Variants in NEK10 observed in about 807,000 individuals in gnomAD.
NEK10 encodes serine/threonine-protein kinase Nek10.
NEK10 carries 122 observed loss-of-function variants against 159.8 expected under a neutral mutation model. The observed-to-expected ratio is 0.76, with a 90% CI of 0.66 to 0.89. NEK10 has a LOEUF of 0.89. NEK10 is among the 40% of genes least tolerant of loss of function. The probability of loss-of-function intolerance (pLI) is 0.00; values close to 1 mark genes in which losing one functional copy is unlikely to be tolerated. For synonymous variants in NEK10, 466 were observed against 457.1 expected, an observed-to-expected ratio of 1.02 and a Z score of -0.25; for missense variants, 1,342 against 1,323.1, an observed-to-expected ratio of 1.01 and a Z score of -0.22.
At chr3:27,254,573 T>C (rs1022776457) in intron 23 of NEK10, among the ~76,000 whole-genome samples, 15 of 152,152 alleles carry the variant, frequency 9.9e-5, no homozygotes, top group Admixed American at 8.5e-4. Context: ...GAAAGACGGT[T>C]TGTGAGCCCA....
intron 23 of NEK10, among the ~76,000 whole-genome samples, chr3:27,221,868 G>C (rs1952133541): frequency 6.6e-6 from 1 of 152,176 alleles, no homozygotes; most frequent in African/African-American, 2.4e-5. Context: ...TCCCAGTTGA[G>C]ACCTCCTTAG....
At chr3:27,216,849 C>A (rs1027417010) in intron 23 of NEK10, among the ~76,000 whole-genome samples, 1 of 152,114 alleles carries the variant, frequency 6.6e-6, no homozygotes, top group Non-Finnish European at 1.5e-5. Flanking sequence ...TTGTATTAAA[C>A]CAATAAGTTG....
At chr3:27,115,476 G>C (rs1180739152) in intron 35 of NEK10, among the ~76,000 whole-genome samples, 1 of 152,108 alleles carries the variant, frequency 6.6e-6, no homozygotes, top group Admixed American at 6.6e-5. Context: ...ACATACAATA[G>C]CAAAGTCTCT....
rs1381358162 is a variant in NEK10 at position 27,108,107 on chromosome 3, T to C, written c.*3165A>G. On this transcript the variant is annotated 3_prime_UTR_variant, in exon 36 of 36. Coordinates refer to ENST00000691995, the MANE Select transcript of NEK10 (RefSeq NM_001394966.1). ...TGTTTTTGGACATCAAAATTCATAG[T>C]ATTTAATGAGTCATAGATGATACTT... Among the ~76,000 whole-genome samples, 1 of 152,240 alleles carries C rather than the reference T, an allele frequency of 6.6e-6. No homozygotes were observed. The highest frequency in any genetic ancestry group is 1.5e-5 in the Non-Finnish European group (1 of 68,042).
chr3:27,245,798 ACTT>A (rs1374706309), intron 23 of NEK10, among the ~76,000 whole-genome samples: 2 of 152,180 alleles, frequency 1.3e-5, no homozygotes, highest in African/African-American at 4.8e-5. Context: ...ACATGAGGAA[ACTT>A]CTTTTGACCA....
At chr3:27,244,865 GAGGGTTGCTCCCAGCTT>G (rs1954906305) in intron 23 of NEK10, among the ~76,000 whole-genome samples, 1 of 151,936 alleles carries the variant, frequency 6.6e-6, no homozygotes, top group African/African-American at 2.4e-5. Context: ...CTGCACTTCA[GAGGGTTGCTCCCAGCTT>G]GCCTAGCAGC....
At chr3:27,161,127 A>C (rs1187169669) in intron 30 of NEK10, among the ~76,000 whole-genome samples, 1 of 152,230 alleles carries the variant, frequency 6.6e-6, no homozygotes, top group Non-Finnish European at 1.5e-5. Context: ...CATACTGTTT[A>C]GGAAAAAGAA....
intron 11 of NEK10, among the ~76,000 whole-genome samples, chr3:27,305,657 T>A (rs62255642): frequency 0.23 from 35,166 of 151,350 alleles, 4,453 homozygotes; most frequent in Middle Eastern, 0.37. Context: ...CTTATTCTAG[T>A]CTTCAGAAAC....
Position 27,333,192 on chromosome 3 carries a change from G to C in NEK10, c.363-10931C>G, listed in dbSNP as rs79055195. 9.0e-3 allele frequency among the ~76,000 whole-genome samples: 1,371 copies of C among 152,190 alleles called. 18 individuals are homozygous for C. Among genetic ancestry groups the C allele is most frequent in the East Asian group, 0.063 (324 of 5,154 alleles). ...TACAATACAGGGAAAGGGTGAGTGA[G>C]AGACCCTCAGTAGTCCACATTATCA... On this transcript the variant is annotated intron_variant, in intron 5 of 35. Coordinates refer to ENST00000691995, the MANE Select transcript of NEK10 (RefSeq NM_001394966.1).
At chr3:27,270,057 C>G (rs1006564270) in intron 22 of NEK10, among the ~76,000 whole-genome samples, 1 of 152,166 alleles carries the variant, frequency 6.6e-6, no homozygotes, top group Admixed American at 6.6e-5. Flanking sequence ...TTGTCCTTCT[C>G]TTATGTGTGG....
At chr3:27,166,674 G>C (rs144404008) in intron 29 of NEK10, among the ~76,000 whole-genome samples, 20 of 152,200 alleles carry the variant, frequency 1.3e-4, no homozygotes, top group African/African-American at 4.8e-4. Flanking sequence ...TAAAGACTTA[G>C]AAAGGCCTGG....
chr3:27,281,379 C>G (rs2042149307), intron 22 of NEK10, among the ~76,000 whole-genome samples: 1 of 151,846 alleles, frequency 6.6e-6, no homozygotes. Flanking sequence ...AAAGACCCAT[C>G]CAAAGCAGTG....
intron 1 of NEK10, 84 bp from the exon 2 acceptor site, chr3:27,353,003 T>C (rs946825917): frequency 1.6e-6 from 1 of 637,302 alleles, no homozygotes; most frequent in Non-Finnish European, 2.8e-6. Context: ...AACCCACTTA[T>C]AACATCTATT....
rs188906374 is a variant in NEK10, at chr3:27,364,730, G to A, written c.-38+4495C>T. Among the ~76,000 whole-genome samples, 953 of 152,280 alleles carry A rather than the reference G, an allele frequency of 6.3e-3. 3 individuals are homozygous for A. The highest frequency in any genetic ancestry group is 0.012 in the Admixed American group (185 of 15,292). On this transcript the variant is annotated intron_variant, in intron 1 of 35. Transcript: ENST00000691995. ...TCAAAACAACCCTCTGAGGTGATTA[G>A]TATTATATCTCCAACTTACAGATGA...
chr3:27,137,498 A>G (rs1452021727), intron 31 of NEK10, among the ~76,000 whole-genome samples: 1 of 152,230 alleles, frequency 6.6e-6, no homozygotes, highest in Non-Finnish European at 1.5e-5. Flanking sequence ...CCGTAACACT[A>G]AAGTTAAGAA....
At chr3:27,317,042 G>A (rs986860497) in intron 6 of NEK10, among the ~76,000 whole-genome samples, 6 of 152,216 alleles carry the variant, frequency 3.9e-5, no homozygotes, top group African/African-American at 1.4e-4. Flanking sequence ...CTGCTATAGA[G>A]TAGAAGAATG....
chr3:27,251,458 G>C (rs112444364), intron 23 of NEK10, among the ~76,000 whole-genome samples: 2,495 of 152,110 alleles, frequency 0.016, 78 homozygotes, highest in African/African-American at 0.057. Context: ...ATGAGTTCTG[G>C]TTGTTTTTAA....
Position 27,290,610 on chromosome 3 carries a change from C to T in NEK10, c.1743+7G>A. On this transcript the variant is annotated splice_region_variant and intron_variant, in intron 19 of 35. Transcript: ENST00000691995. ...AAAACATCTTCAGAAACAAGGAAAA[C>T]ATTTACCTGCTCTTTAATTATTGTT... The T allele has an allele frequency of 1.3e-6, 2 of 1,576,946 alleles. No individual in the cohort carries two copies. Among genetic ancestry groups the T allele is most frequent in the Middle Eastern group, 1.7e-4 (1 of 5,886 alleles).
intron 30 of NEK10, chr3:27,143,333 T>G (rs2125588886): frequency 1.8e-6 from 1 of 555,230 alleles, no homozygotes; most frequent in Non-Finnish European, 3.2e-6. Flanking sequence ...GATGCAACAT[T>G]CATAGTTTAT....
Sources: allele counts gnomAD v4.1 joint callset (sites outside exome capture counted in the v4.1 genomes callset), GRCh38; gene constraint gnomAD v4.1.1; transcripts MANE v1.5; gene names NCBI Gene and HGNC (gene_info 2026-07-23, HGNC 2026-07-21).